The following MKLN1 variants were observed in gnomAD, a reference collection of about 807,000 sequenced individuals.
MKLN1 encodes the protein muskelin.
In MKLN1, 18 loss-of-function variants were observed where a neutral mutation model predicts 99.0. The ratio of observed to expected loss-of-function variants is 0.18; its 90% CI spans 0.13 to 0.27. The LOEUF is 0.27. Among genes scored for constraint, MKLN1 ranks in the 10% least tolerant of loss-of-function variants. The probability of loss-of-function intolerance (pLI) is 1.00; values close to 1 mark genes in which losing one functional copy is unlikely to be tolerated. For missense variants in MKLN1, 621 were observed against 875.9 expected (o/e 0.71, Z 3.67); for synonymous variants, 288 against 293.2 (o/e 0.98, Z 0.18).
At chr7:131,424,979 T>C (rs1323250269) in intron 8 of MKLN1, among the ~76,000 whole-genome samples, 1 of 152,172 alleles carries the variant, frequency 6.6e-6, no homozygotes, top group Non-Finnish European at 1.5e-5. Context: ...TTTAACCTCC[T>C]CTCCACCTCC....
At chr7:131,240,934 A>G (rs552096805) in intron 3 of MKLN1, among the ~76,000 whole-genome samples, 4 of 152,344 alleles carry the variant, frequency 2.6e-5, no homozygotes, top group African/African-American at 9.6e-5. Context: ...ACTGGCTAAG[A>G]GTGATTTAAG....
chr7:131,203,279 T>C (rs922400264), intron 3 of MKLN1, among the ~76,000 whole-genome samples: 1 of 152,222 alleles, frequency 6.6e-6, no homozygotes, highest in African/African-American at 2.4e-5. Flanking sequence ...TTAATAATAA[T>C]TGAATTTAAA....
In MKLN1 at chr7:131,204,605, G is replaced by A. The variant is rs536878689; in HGVS notation, c.-179+1631G>A. Among the ~76,000 whole-genome samples, 183 of 152,274 alleles carry A rather than the reference G, an allele frequency of 1.2e-3. 1 individual carries two copies. Among genetic ancestry groups the A allele is most frequent in the African/African-American group, 4.2e-3 (174 of 41,566 alleles). On this transcript the variant is annotated intron_variant, in intron 3 of 7. Coordinates refer to the MKLN1 transcript ENST00000416992. ...CCAGCACATTGGGAGGCTGAGGCGG[G>A]CAGATCACGAGGTCAGGAGTTCAAG... is the stretch of plus-strand genomic sequence containing the variant.
intron 11 of MKLN1, among the ~76,000 whole-genome samples, chr7:131,444,759 G>GT (rs1320295051): frequency 0.034 from 2,577 of 76,400 alleles, 26 homozygotes; most frequent in Non-Finnish European, 0.045. Context: ...AGTAGTAGTA[G>GT]AAGAAGTAGT....
At chr7:131,480,640 G>A (rs774589472) in intron 17 of MKLN1, among the ~76,000 whole-genome samples, 4 of 152,142 alleles carry the variant, frequency 2.6e-5, no homozygotes, top group Non-Finnish European at 5.9e-5. Flanking sequence ...TCATACACTC[G>A]AGTTGAAGAC....
chr7:131,308,261 G>GT (rs35421090), intron 3 of MKLN1, among the ~76,000 whole-genome samples: 7,651 of 132,500 alleles, frequency 0.058, 278 homozygotes, highest in Middle Eastern at 0.12. Flanking sequence ...GTCTCACGTA[G>GT]TTTTTTTTTT....
intron 2 of MKLN1, among the ~76,000 whole-genome samples, chr7:131,198,171 C>T (rs755099069): frequency 6.6e-5 from 10 of 152,202 alleles, no homozygotes; most frequent in Non-Finnish European, 1.0e-4. Context: ...ATGTATAAGC[C>T]TCAACACCAC....
At chr7:131,153,679 T>C (rs2116292491) in intron 2 of MKLN1, among the ~76,000 whole-genome samples, 1 of 150,362 alleles carries the variant, frequency 6.7e-6, no homozygotes, top group Non-Finnish European at 1.5e-5. Flanking sequence ...TTTTTTTTTT[T>C]TGAGAAGGAG....
At chr7:131,311,873 T>C (rs1000034967) in intron 3 of MKLN1, among the ~76,000 whole-genome samples, 2 of 152,134 alleles carry the variant, frequency 1.3e-5, no homozygotes, top group Non-Finnish European at 2.9e-5. Flanking sequence ...TTACTGTTTC[T>C]TAAAAATACT....
chr7:131,182,740 T>C (rs1335723076), intron 2 of MKLN1, among the ~76,000 whole-genome samples: 1 of 152,222 alleles, frequency 6.6e-6, no homozygotes, highest in Non-Finnish European at 1.5e-5. Flanking sequence ...TTTAATGTTC[T>C]TTTTCTCTGG....
chr7:131,408,709 C>A (rs554008062), intron 6 of MKLN1, among the ~76,000 whole-genome samples: 56 of 152,218 alleles, frequency 3.7e-4, no homozygotes, highest in African/African-American at 1.3e-3. Context: ...GATCCTCCTG[C>A]CTTAGCCTCC....
chr7:131,484,496 T>C (rs1352535723), intron 17 of MKLN1, among the ~76,000 whole-genome samples: 1 of 152,196 alleles, frequency 6.6e-6, no homozygotes, highest in African/African-American at 2.4e-5. Flanking sequence ...TAATACTTCA[T>C]TGTTTGTGTG....
chr7:131,328,438 AGT>A (rs199596678), intron 1 of MKLN1, among the ~76,000 whole-genome samples: 6,249 of 152,204 alleles, frequency 0.041, 197 homozygotes, highest in Non-Finnish European at 0.061. Context: ...GCCGGGACAA[AGT>A]GTAAAGCCGA....
intron 3 of MKLN1, among the ~76,000 whole-genome samples, chr7:131,261,410 A>T (rs1251639109): frequency 6.7e-6 from 1 of 148,578 alleles, no homozygotes; most frequent in Non-Finnish European, 1.5e-5. Flanking sequence ...AGCGTCACTA[A>T]CTATTAGAGA....
intron 16 of MKLN1, among the ~76,000 whole-genome samples, chr7:131,472,428 G>C (rs1796844622): frequency 6.6e-6 from 1 of 152,160 alleles, no homozygotes; most frequent in Non-Finnish European, 1.5e-5. Context: ...AAGTTCATTT[G>C]AGCCATTTTT....
chr7:131,397,391 T>C lies in MKLN1; in HGVS notation c.510+15T>C. 7.0e-7 allele frequency: 1 copy of C among 1,419,118 alleles called. No homozygotes were observed. Among genetic ancestry groups the C allele is most frequent in the Non-Finnish European group, 9.7e-7 (1 of 1,026,832 alleles). 87.9% of individuals were successfully genotyped at this position (1,419,118 alleles called of 1,614,324 possible). ...GGTATAGCAAGGTAGGACTGTGTTT[T>C]AAATCCTGACTTTAATGCCTATAAA... On this transcript the variant is annotated intron_variant, in intron 5 of 17. Coordinates refer to ENST00000352689, the MANE Select transcript of MKLN1 (RefSeq NM_013255.5).
chr7:131,246,555 A>T (rs1797492315), intron 3 of MKLN1, among the ~76,000 whole-genome samples: 1 of 151,780 alleles, frequency 6.6e-6, no homozygotes, highest in African/African-American at 2.4e-5. Context: ...TTTCTATTGC[A>T]GTCTTTGCCT....
rs117246643 is a variant in MKLN1 at position 131,167,903 on chromosome 7, T to C, written c.-297+24962T>C. Among the ~76,000 whole-genome samples, 852 of 152,300 alleles carry C rather than the reference T, an allele frequency of 5.6e-3. 5 individuals carry two copies. The highest frequency in any genetic ancestry group is 0.01 in the Middle Eastern group (3 of 294). The stretch of plus-strand genomic sequence containing the variant: ...AAAATGCTATGAGACAATGTTATAC[T>C]TAAAATAACAGGATCCACAACTGTA... On this transcript the variant is annotated intron_variant, in intron 2 of 7. Transcript: ENST00000416992.
At chr7:131,368,181 G>A (rs1338863593) in intron 1 of MKLN1, among the ~76,000 whole-genome samples, 1 of 152,226 alleles carries the variant, frequency 6.6e-6, no homozygotes, top group Non-Finnish European at 1.5e-5. Context: ...GTGGAAATGG[G>A]TGGAGGGGAG....
Sources: allele counts gnomAD v4.1 joint callset (sites outside exome capture counted in the v4.1 genomes callset), GRCh38; gene constraint gnomAD v4.1.1; transcripts MANE v1.5; gene names NCBI Gene and HGNC (gene_info 2026-07-23, HGNC 2026-07-21).